The following HECTD4 variants were observed in gnomAD, a reference collection of about 807,000 sequenced individuals.
The protein encoded by HECTD4 is probable E3 ubiquitin-protein ligase HECTD4.
In HECTD4, 114 loss-of-function variants were observed where a neutral mutation model predicts 471.5. The ratio of observed to expected loss-of-function variants is 0.24; its 90% CI spans 0.21 to 0.28. The LOEUF (loss-of-function observed/expected upper bound fraction) is 0.28. Among genes scored for constraint, HECTD4 ranks in the 10% least tolerant of loss-of-function variants. HECTD4 has a pLI of 1.00. For synonymous variants in HECTD4, 2,012 were observed against 2,256.0 expected (o/e 0.89, Z 3.07); for missense variants, 3,866 against 5,651.5 (o/e 0.68, Z 10.13).
At chr12:112,357,920 T>C (rs1204715200) in intron 1 of HECTD4, among the ~76,000 whole-genome samples, 2 of 152,198 alleles carry the variant, frequency 1.3e-5, no homozygotes, top group African/African-American at 4.8e-5. Flanking sequence ...AAGATAATTC[T>C]GGCCAGGCCC....
intron 45 of HECTD4, among the ~76,000 whole-genome samples, chr12:112,218,813 C>T (rs1189952750): frequency 6.6e-6 from 1 of 152,132 alleles, no homozygotes; most frequent in African/African-American, 2.4e-5. Flanking sequence ...CAGCTTACTG[C>T]AACCTCTACC....
rs1383165028 is a variant in HECTD4, at chr12:112,239,161, G to A, written c.5181C>T (p.Thr1727=). Residue 1727 remains threonine, a synonymous_variant, in exon 34 of 76, where the codon ACC becomes ACT. Coordinates refer to ENST00000682272, the MANE Select transcript of HECTD4 (RefSeq NM_001388303.1). The surrounding 1 kb of genome is among the most constrained non-coding windows in gnomAD (Gnocchi z 4.9). ...MDRLCSLSNQ[T]ESSSSEKQTK... is the part of the protein sequence containing the mutation. ...TCTGTTTCTCACTGGAGCTGGACTC[G>A]GTCTGATTGCTCAAGCTACACAGTC... 6.2e-6 allele frequency: 10 copies of A among 1,613,736 alleles called. No individual in the cohort carries two copies. Among genetic ancestry groups the A allele is most frequent in the Middle Eastern group, 1.6e-4 (1 of 6,084 alleles).
chr12:112,200,576 C>T (rs778915606), intron 55 of HECTD4, 62 bp downstream of exon 55: 146 of 1,532,396 alleles, frequency 9.5e-5, no homozygotes, highest in Non-Finnish European at 1.2e-4. Flanking sequence ...GTACATGGTA[C>T]ATGTGGTAGA....
intron 1 of HECTD4, among the ~76,000 whole-genome samples, chr12:112,359,454 C>G (rs1200311997): frequency 2.0e-5 from 3 of 152,198 alleles, no homozygotes; most frequent in East Asian, 3.8e-4. Context: ...GAGTCTCACT[C>G]TGTCGCCCAC....
chr12:112,308,045 A>G (rs935030946), intron 6 of HECTD4, among the ~76,000 whole-genome samples: 1 of 152,242 alleles, frequency 6.6e-6, no homozygotes, highest in Non-Finnish European at 1.5e-5. Context: ...CCTCACAGGT[A>G]GGAAGAGGAA....
intron 32 of HECTD4, among the ~76,000 whole-genome samples, chr12:112,241,115 GA>G (rs1336228575): frequency 6.6e-6 from 1 of 152,168 alleles, no homozygotes; most frequent in Non-Finnish European, 1.5e-5. Flanking sequence ...AGTGTTAACA[GA>G]ATGTTATTTT....
intron 1 of HECTD4, among the ~76,000 whole-genome samples, chr12:112,335,888 A>G (rs1797628718): frequency 6.6e-6 from 1 of 152,208 alleles, no homozygotes; most frequent in South Asian, 2.1e-4. Context: ...TTGTTTTGCA[A>G]TCTCTACCGA....
At chr12:112,275,256 G>A (rs2034502417) in intron 9 of HECTD4, among the ~76,000 whole-genome samples, 1 of 152,204 alleles carries the variant, frequency 6.6e-6, no homozygotes, top group South Asian at 2.1e-4. Flanking sequence ...GTAACTGCAA[G>A]AGGGGTTATG....
Position 112,238,934 on chromosome 12 carries a change from C to A in HECTD4, c.5290+118G>T. 5 of 957,548 alleles carry A rather than the reference C, an allele frequency of 5.2e-6. No individual in the cohort carries two copies. The South Asian group carries it at 9.3e-5, about 18-fold the overall frequency. The allele number at this position is 957,548 out of a possible 1,614,324, so 59.3% of individuals were successfully genotyped here. A position where few individuals can be genotyped will look rare whatever the true frequency, so the allele number is the denominator to read the frequency against. The stretch of plus-strand genomic sequence containing the variant: ...CATGAAATCATCCACTGATTTAACC[C>A]ATCTGATCATGTCATTTAATAGAGG... On this transcript the variant is annotated intron_variant, in intron 34 of 75. Coordinates refer to ENST00000682272, the MANE Select transcript of HECTD4 (RefSeq NM_001388303.1).
intron 4 of HECTD4, 21 bp downstream of exon 4, chr12:112,312,995 AG>A: frequency 6.5e-7 from 1 of 1,532,682 alleles, no homozygotes; most frequent in Non-Finnish European, 8.7e-7. Context: ...TATTAATCAC[AG>A]GACAAAAACT....
intron 1 of HECTD4, among the ~76,000 whole-genome samples, chr12:112,366,349 A>G (rs1482887021): frequency 6.6e-6 from 1 of 151,964 alleles, no homozygotes; most frequent in Admixed American, 6.6e-5. Context: ...TGTCTACAAA[A>G]AAATTTTTTT....
intron 7 of HECTD4, among the ~76,000 whole-genome samples, chr12:112,294,320 T>G (rs2034958491): frequency 6.6e-6 from 1 of 152,180 alleles, no homozygotes; most frequent in Non-Finnish European, 1.5e-5. Context: ...AAAGCAAGAT[T>G]AATCATAACT....
At chr12:112,265,489 ACAAAGT>A (rs1301634225) in intron 15 of HECTD4, among the ~76,000 whole-genome samples, 194 bp from the exon 16 acceptor site, 1 of 152,228 alleles carries the variant, frequency 6.6e-6, no homozygotes, top group Admixed American at 6.5e-5. Context: ...GCACCCAACT[ACAAAGT>A]CAAAGTATTT....
At chr12:112,244,933 G>A (rs2033725341) in intron 29 of HECTD4, among the ~76,000 whole-genome samples, 1 of 152,020 alleles carries the variant, frequency 6.6e-6, no homozygotes, top group South Asian at 2.1e-4. Flanking sequence ...TATGTCATGA[G>A]TAGCTAAGAA....
intron 7 of HECTD4, 138 bp downstream of exon 7, chr12:112,305,925 TA>T: frequency 1.4e-6 from 1 of 694,610 alleles, no homozygotes; most frequent in Non-Finnish European, 2.2e-6. Context: ...CAAAGACATC[TA>T]AGAGAAAAAT....
At chr12:112,355,043 C>T (rs1215840008) in intron 1 of HECTD4, among the ~76,000 whole-genome samples, 1 of 150,194 alleles carries the variant, frequency 6.7e-6, no homozygotes, top group Non-Finnish European at 1.5e-5. Flanking sequence ...TGCAGTGGCG[C>T]TATCTCGGCT....
intron 72 of HECTD4, among the ~76,000 whole-genome samples, chr12:112,165,636 C>T (rs1019005320): frequency 2.0e-5 from 3 of 152,224 alleles, no homozygotes; most frequent in Admixed American, 1.3e-4. Flanking sequence ...CAGGCGTGAG[C>T]CACCGCGCCC....
intron 72 of HECTD4, among the ~76,000 whole-genome samples, chr12:112,164,734 G>C (rs1008294610): frequency 6.6e-6 from 1 of 150,722 alleles, no homozygotes; most frequent in Non-Finnish European, 1.5e-5. Flanking sequence ...CAATTATCCT[G>C]CCTCAGCCTC....
intron 25 of HECTD4, among the ~76,000 whole-genome samples, chr12:112,249,310 C>T (rs1000842913): frequency 1.3e-5 from 2 of 149,096 alleles, no homozygotes; most frequent in Admixed American, 6.7e-5. Flanking sequence ...GCCAAGATCA[C>T]ATCACTGCAC....
Sources: gnomAD v4.1 joint callset for allele counts (sites outside exome capture counted in the v4.1 genomes callset) on GRCh38, gnomAD v4.1.1 for gene constraint, Gnocchi (gnomAD v3.1) non-coding constraint, MANE v1.5 for transcripts, NCBI Gene and HGNC (gene_info 2026-07-23, HGNC 2026-07-21) for gene names.